KCNIP4: variants seen among roughly 807,000 people sequenced by gnomAD.
The protein encoded by KCNIP4 is potassium voltage-gated channel interacting protein 4, also known as Kv channel-interacting protein 4.
In KCNIP4, 12 loss-of-function variants were observed where a neutral mutation model predicts 34.0. The ratio of observed to expected loss-of-function variants is 0.35; its 90% confidence interval spans 0.23 to 0.57. The LOEUF (loss-of-function observed/expected upper bound fraction) is 0.57. Ranked by LOEUF, KCNIP4 falls within the 20% of genes least tolerant of loss-of-function variation. The probability of loss-of-function intolerance (pLI) is 0.83; values close to 1 mark genes in which losing one functional copy is unlikely to be tolerated. For synonymous variants in KCNIP4, 124 were observed against 102.2 expected (o/e 1.21, Z -1.29); for missense variants, 238 against 311.7 (o/e 0.76, Z 1.78).
chr4:20,847,206 G>T (rs929476338), intron 3 of KCNIP4, among the ~76,000 whole-genome samples: 19 of 152,064 alleles, frequency 1.2e-4, no homozygotes, highest in African/African-American at 4.1e-4. Flanking sequence ...GTGCAATCTA[G>T]TTATCATTAT....
chr4:21,802,986 C>A (rs1459278), intron 1 of KCNIP4, among the ~76,000 whole-genome samples: 58,167 of 151,960 alleles, frequency 0.38, 12,656 homozygotes, highest in Non-Finnish European at 0.51. Flanking sequence ...TTCCTTATAT[C>A]AATTCCTGAA....
rs566647775 is a variant in KCNIP4 at position 21,881,607 on chromosome 4, C to G, written c.61+66964G>C. 2.0e-5 allele frequency among the ~76,000 whole-genome samples: 3 copies of G among 152,180 alleles called. No individual in the cohort carries two copies. In the South Asian group the frequency reaches 6.2e-4, roughly 32 times the overall value. On this transcript the variant is annotated intron_variant, in intron 1 of 8. Transcript: ENST00000382152. Reference sequence around the variant, plus strand: ...ACTATACAGTAATTGTTAAGTTGCACACGTTGATACGCACACAGTATTAAG... The same window carrying G: ...ACTATACAGTAATTGTTAAGTTGCAGACGTTGATACGCACACAGTATTAAG...
At chr4:21,224,538 A>G (rs1758218026) in intron 1 of KCNIP4, among the ~76,000 whole-genome samples, 1 of 144,446 alleles carries the variant, frequency 6.9e-6, no homozygotes, top group Non-Finnish European at 1.5e-5. Context: ...CCTTCACTCT[A>G]CAGATATTCC....
At chr4:21,596,256 CTGTT>C (rs1235793852) in intron 1 of KCNIP4, among the ~76,000 whole-genome samples, 1 of 152,052 alleles carries the variant, frequency 6.6e-6, no homozygotes, top group East Asian at 1.9e-4. Context: ...AAATTTTCAA[CTGTT>C]TGGATGAATT....
intron 1 of KCNIP4, among the ~76,000 whole-genome samples, chr4:21,321,477 T>A (rs1368179059): frequency 6.6e-6 from 1 of 151,914 alleles, no homozygotes; most frequent in South Asian, 2.1e-4. Flanking sequence ...TTCTACAAGA[T>A]AGAACTAGTA....
intron 1 of KCNIP4, among the ~76,000 whole-genome samples, chr4:21,765,483 G>C (rs1387712156): frequency 6.6e-6 from 1 of 151,962 alleles, no homozygotes; most frequent in African/African-American, 2.4e-5. Flanking sequence ...TTGCTCCCTG[G>C]GGGAAAAGTG....
At chr4:20,849,874 C>A (rs1720816666) in intron 3 of KCNIP4, among the ~76,000 whole-genome samples, 1 of 152,168 alleles carries the variant, frequency 6.6e-6, no homozygotes, top group Non-Finnish European at 1.5e-5. Flanking sequence ...TTTTGAATAA[C>A]CTGCAGCATC....
chr4:21,269,924 G>T (rs981158253), intron 1 of KCNIP4, among the ~76,000 whole-genome samples: 1 of 152,142 alleles, frequency 6.6e-6, no homozygotes, highest in Admixed American at 6.5e-5. Context: ...GAGCTAAAAA[G>T]AAAGACAGTT....
At chr4:21,236,813 G>C (rs1450463549) in intron 1 of KCNIP4, among the ~76,000 whole-genome samples, 1 of 150,610 alleles carries the variant, frequency 6.6e-6, no homozygotes, top group East Asian at 2.0e-4. Flanking sequence ...CTCAAGACCA[G>C]CCTGACCAAG....
At chr4:21,007,305 G>T (rs537175056) in intron 1 of KCNIP4, among the ~76,000 whole-genome samples, 24 of 152,264 alleles carry the variant, frequency 1.6e-4, no homozygotes, top group Admixed American at 3.3e-4. Flanking sequence ...ACAGAAAGAA[G>T]TCATCCAAGA....
intron 1 of KCNIP4, among the ~76,000 whole-genome samples, chr4:21,270,420 G>A (rs1466242730): frequency 6.6e-6 from 1 of 152,142 alleles, no homozygotes; most frequent in African/African-American, 2.4e-5. Flanking sequence ...AGGTAGTAAC[G>A]TAAACGTGTT....
chr4:21,673,892 CTTAA>C (rs1170980640), intron 1 of KCNIP4, among the ~76,000 whole-genome samples: 2 of 152,154 alleles, frequency 1.3e-5, no homozygotes, highest in Non-Finnish European at 2.9e-5. Context: ...AGAACTAAAG[CTTAA>C]TTGTCAGTTA....
At chr4:21,924,433 A>G (rs1447104434) in intron 1 of KCNIP4, among the ~76,000 whole-genome samples, 1 of 151,730 alleles carries the variant, frequency 6.6e-6, no homozygotes, top group African/African-American at 2.4e-5. Flanking sequence ...TTTAGTAGAG[A>G]CAGGGTTTCA....
At chr4:20,892,289 G>A (rs1725998927) in intron 1 of KCNIP4, among the ~76,000 whole-genome samples, 1 of 152,138 alleles carries the variant, frequency 6.6e-6, no homozygotes, top group African/African-American at 2.4e-5. Context: ...AAATGCAAAT[G>A]GAGTAAATTT....
intron 1 of KCNIP4, among the ~76,000 whole-genome samples, chr4:21,223,303 G>C (rs1264430701): frequency 1.3e-5 from 2 of 152,192 alleles, no homozygotes; most frequent in Non-Finnish European, 2.9e-5. Flanking sequence ...TGACTGCTAA[G>C]AATCTGGAAA....
At chr4:21,575,189 T>TG (rs1449901681) in intron 1 of KCNIP4, among the ~76,000 whole-genome samples, 1 of 151,400 alleles carries the variant, frequency 6.6e-6, no homozygotes, top group Admixed American at 6.6e-5. Flanking sequence ...AGGTGACAGC[T>TG]GGGTAGCCAT....
At chr4:21,766,530 T>C (rs939313133) in intron 1 of KCNIP4, among the ~76,000 whole-genome samples, 8 of 152,154 alleles carry the variant, frequency 5.3e-5, no homozygotes, top group African/African-American at 1.7e-4. Context: ...ACTGTTGGCA[T>C]AAAGCGAATT....
chr4:21,865,021 A>T (rs1237143292), intron 1 of KCNIP4, among the ~76,000 whole-genome samples: 2 of 152,184 alleles, frequency 1.3e-5, no homozygotes, highest in Non-Finnish European at 2.9e-5. Context: ...AAGAAATATC[A>T]CCACTTAGTG....
At chr4:21,764,468 G>T (rs1577958010) in intron 1 of KCNIP4, among the ~76,000 whole-genome samples, 1 of 152,052 alleles carries the variant, frequency 6.6e-6, no homozygotes, top group Non-Finnish European at 1.5e-5. Flanking sequence ...TGGGGCATTT[G>T]TTTTCAATGA....
Sources: allele counts gnomAD v4.1 joint callset (sites outside exome capture counted in the v4.1 genomes callset), GRCh38; gene constraint gnomAD v4.1.1; transcripts MANE v1.5; gene names NCBI Gene and HGNC (gene_info 2026-07-23, HGNC 2026-07-21).